CNTN3: variants seen among roughly 807,000 people sequenced by gnomAD.
The protein encoded by CNTN3 is contactin-3.
CNTN3 carries 60 observed loss-of-function variants against 119.1 expected under a neutral mutation model. That is an observed-to-expected ratio of 0.50 (90% CI 0.41 to 0.62). The LOEUF (loss-of-function observed/expected upper bound fraction) is 0.62. Ranked by LOEUF, CNTN3 falls within the 20% of genes least tolerant of loss-of-function variation. CNTN3 has a pLI of 0.00. For synonymous variants in CNTN3, 450 were observed against 438.7 expected (o/e 1.03, Z -0.32); for missense variants, 1,101 against 1,242.4 (o/e 0.89, Z 1.71).
chr3:74,512,557 A>G (rs1703384934), intron 2 of CNTN3, among the ~76,000 whole-genome samples: 1 of 152,066 alleles, frequency 6.6e-6, no homozygotes, highest in Admixed American at 6.6e-5. Flanking sequence ...CAAAATAAGC[A>G]GCAAAGAGCT....
intron 5 of CNTN3, among the ~76,000 whole-genome samples, chr3:74,405,399 T>C (rs766788494): frequency 4.0e-5 from 6 of 151,654 alleles, no homozygotes; most frequent in Non-Finnish European, 8.8e-5. Context: ...GCCTTGTTCC[T>C]ACAGAATAAC....
intron 4 of CNTN3, among the ~76,000 whole-genome samples, chr3:74,448,233 G>A (rs996170144): frequency 5.9e-5 from 9 of 152,068 alleles, no homozygotes; most frequent in Non-Finnish European, 1.0e-4. Context: ...ATTTTATGTT[G>A]TGTATGTTGC....
chr3:74,272,165 C>T (rs780816504), intron 20 of CNTN3, among the ~76,000 whole-genome samples: 2 of 152,218 alleles, frequency 1.3e-5, no homozygotes, highest in South Asian at 4.2e-4. Flanking sequence ...AATGCACTAA[C>T]GATAGCTGAT....
chr3:74,366,429 T>C (rs935224397), intron 8 of CNTN3, among the ~76,000 whole-genome samples: 1 of 152,066 alleles, frequency 6.6e-6, no homozygotes, highest in African/African-American at 2.4e-5. Flanking sequence ...GATGAAAGCA[T>C]CGTACCACTT....
At chr3:74,412,179 A>G (rs1454891077) in intron 5 of CNTN3, among the ~76,000 whole-genome samples, 2 of 152,168 alleles carry the variant, frequency 1.3e-5, no homozygotes, top group African/African-American at 4.8e-5. Context: ...TCCAGGTAAA[A>G]TCGATCTGAA....
chr3:74,353,825 C>CT (rs1325869219), intron 11 of CNTN3, among the ~76,000 whole-genome samples: 1 of 151,748 alleles, frequency 6.6e-6, no homozygotes, highest in East Asian at 1.9e-4. Context: ...TATAATACAC[C>CT]TTTTTCTGAT....
chr3:74,431,950 AG>A (rs1701790803), intron 4 of CNTN3, among the ~76,000 whole-genome samples: 1 of 152,216 alleles, frequency 6.6e-6, no homozygotes, highest in Non-Finnish European at 1.5e-5. Context: ...TATGAGGTGA[AG>A]TGTTACCTCT....
At chr3:74,573,288 C>CTT (rs879506429) in intron 1 of CNTN3, among the ~76,000 whole-genome samples, 1 of 143,426 alleles carries the variant, frequency 7.0e-6, no homozygotes, top group African/African-American at 2.6e-5. Flanking sequence ...AGAGTGCTTT[C>CTT]TTTTTTTTTT....
At chr3:74,511,068 T>TC (rs1306509599) in intron 2 of CNTN3, among the ~76,000 whole-genome samples, 51 of 152,240 alleles carry the variant, frequency 3.3e-4, no homozygotes, top group African/African-American at 1.2e-3. Flanking sequence ...GCCAAATCTA[T>TC]CTTGAACACT....
intron 1 of CNTN3, 50 bp from the exon 2 acceptor site, chr3:74,521,242 G>A (rs1325511106): frequency 7.0e-6 from 3 of 427,908 alleles, no homozygotes; most frequent in Non-Finnish European, 1.2e-5. Context: ...AAAAAAAGCT[G>A]CTTTAAAAAA....
chr3:74,367,962 G>C (rs1704239511), intron 8 of CNTN3, among the ~76,000 whole-genome samples: 1 of 152,000 alleles, frequency 6.6e-6, no homozygotes, highest in African/African-American at 2.4e-5. Context: ...CCTTAGAGCT[G>C]GACAGCCACA....
At chr3:74,498,671 T>C (rs1024751881) in intron 3 of CNTN3, among the ~76,000 whole-genome samples, 2 of 151,820 alleles carry the variant, frequency 1.3e-5, no homozygotes, top group African/African-American at 2.4e-5. Context: ...AAGAGAACAA[T>C]AGAGGCTCAA....
chr3:74,424,529 T>C (rs188021723), intron 5 of CNTN3, among the ~76,000 whole-genome samples: 1 of 150,574 alleles, frequency 6.6e-6, no homozygotes, highest in South Asian at 2.1e-4. Context: ...AAGATCCAGT[T>C]TGACATGGCA....
At chr3:74,295,794 A>C (rs2106804148) in intron 18 of CNTN3, among the ~76,000 whole-genome samples, 1 of 152,236 alleles carries the variant, frequency 6.6e-6, no homozygotes, top group South Asian at 2.1e-4. Flanking sequence ...TGTAAAAAGC[A>C]CTGTTGAGAT....
Position 74,379,459 on chromosome 3 carries a change from G to T in CNTN3, c.455-8060C>A, listed in dbSNP as rs369797215. Among the ~76,000 whole-genome samples the T allele has an allele frequency of 5.3e-4, 80 of 152,224 alleles. 6 individuals carry two copies. Among genetic ancestry groups the T allele is most frequent in the East Asian group, 3.3e-3 (17 of 5,162 alleles). On this transcript the variant is annotated intron_variant, in intron 5 of 22. Transcript: ENST00000263665. ...CAGGGAAGCGTCTTTCCTAACAAAT[G>T]TCTCTTTCCTGGTGCCACGGCTGCT...
chr3:74,372,590 T>TAAA (rs74983590), intron 5 of CNTN3, among the ~76,000 whole-genome samples: 1 of 143,346 alleles, frequency 7.0e-6, no homozygotes, highest in African/African-American at 2.5e-5. Flanking sequence ...CAATAGAGTT[T>TAAA]AAAAAAAAAA....
rs542269783 is a variant in CNTN3, at chr3:74,534,719, T to G, written c.-80-13527A>C. 2.6e-5 allele frequency among the ~76,000 whole-genome samples: 4 copies of G among 152,174 alleles called. No homozygotes were observed. The South Asian group carries it at 6.2e-4, about 24-fold the overall frequency. ...ACTTGTGTTTCTTACTAAGAGAACA[T>G]TTTTAAATGTATAAGAGGCAGAATG... On this transcript the variant is annotated intron_variant, in intron 1 of 22. Transcript: ENST00000263665.
chr3:74,414,973 T>C lies in CNTN3; in HGVS notation c.454+9872A>G, dbSNP rs532637394. 6.6e-5 allele frequency among the ~76,000 whole-genome samples: 10 copies of C among 151,770 alleles called. No individual in the cohort carries two copies. The East Asian group carries it at 1.2e-3, about 18-fold the overall frequency. ...CAAAGCCTTTACCATTCTTGACTTA[T>C]AGCTAATTTTTTACTTAAAGCAGAA... On this transcript the variant is annotated intron_variant, in intron 5 of 22. Coordinates refer to ENST00000263665, the MANE Select transcript of CNTN3 (RefSeq NM_020872.3).
chr3:74,344,397 G>GTTTTTTTTTTTT lies in CNTN3; in HGVS notation c.1365-7751_1365-7740dup, dbSNP rs1156579949. Among the ~76,000 whole-genome samples, 13 of 32,614 alleles carry GTTTTTTTTTTTT rather than the reference G, an allele frequency of 4.0e-4. 1 individual carries two copies. The highest frequency in any genetic ancestry group is 1.0e-3 in the South Asian group (1 of 994). The allele number at this position is 32,614 out of a possible 152,430, so 21.4% of individuals were successfully genotyped here. On this transcript the variant is annotated intron_variant, in intron 11 of 22. Coordinates refer to ENST00000263665, the MANE Select transcript of CNTN3 (RefSeq NM_020872.3). The stretch of plus-strand genomic sequence containing the variant: ...AGTTCATTTACAACCTTACACAGTG[G>GTTTTTTTTTTTT]TTTTTTTTTTTTTTTTTTTTTTTTT...
Sources: gnomAD v4.1 joint callset for allele counts (sites outside exome capture counted in the v4.1 genomes callset) on GRCh38, gnomAD v4.1.1 for gene constraint, MANE v1.5 for transcripts, NCBI Gene and HGNC (gene_info 2026-07-23, HGNC 2026-07-21) for gene names.